BEND7: variants seen among roughly 807,000 people sequenced by gnomAD.
The protein encoded by BEND7 is BEN domain-containing protein 7.
In BEND7, 28 loss-of-function variants were observed where a neutral mutation model predicts 50.9. The ratio of observed to expected loss-of-function variants is 0.55; its 90% CI spans 0.41 to 0.75. BEND7 has a LOEUF of 0.75. BEND7 is among the 30% of genes least tolerant of loss of function. BEND7 has a pLI of 0.00. For missense variants in BEND7, 477 were observed against 491.3 expected, an observed-to-expected ratio of 0.97 and a Z score of 0.28; for synonymous variants, 170 against 183.9, an observed-to-expected ratio of 0.92 and a Z score of 0.61.
intron 2 of BEND7, chr10:13,500,903 G>T: frequency 2.2e-6 from 2 of 912,492 alleles, no homozygotes; most frequent in Non-Finnish European, 2.6e-6. Context: ...CACCTCCCCT[G>T]CAGCGTAACT....
At chr10:13,528,394 G>T in intron 1 of BEND7, 79 bp downstream of exon 1, 3 of 664,702 alleles carry the variant, frequency 4.5e-6, no homozygotes, top group Non-Finnish European at 5.6e-6. Context: ...GGGAGGGCGC[G>T]CCCCCCAGCG....
chr10:13,516,038 T>C (rs918233352), intron 2 of BEND7, among the ~76,000 whole-genome samples: 2 of 152,244 alleles, frequency 1.3e-5, no homozygotes, highest in African/African-American at 4.8e-5. Context: ...TCTGATCTAC[T>C]GATAACTGGA....
chr10:13,442,341 T>A (rs1292187243), intron 8 of BEND7: 1 of 152,316 alleles, frequency 6.6e-6, no homozygotes, highest in African/African-American at 2.4e-5. Context: ...CTCATGCCAA[T>A]TTTTGGCCTT....
chr10:13,479,698 GCA>G (rs1182203120), intron 6 of BEND7, among the ~76,000 whole-genome samples: 1 of 152,122 alleles, frequency 6.6e-6, no homozygotes, highest in African/African-American at 2.4e-5. Context: ...TTCAGAAATG[GCA>G]CAGTTTGTGA....
At chr10:13,511,007 A>T (rs144180620) in intron 2 of BEND7, among the ~76,000 whole-genome samples, 30 of 152,314 alleles carry the variant, frequency 2.0e-4, no homozygotes, top group African/African-American at 7.0e-4. Context: ...GTGAAACCCC[A>T]TCCCTACTTA....
chr10:13,496,836 G>A lies in BEND7; in HGVS notation c.501C>T (p.Asn167=). ...SSAGSNCCTC[N]CQSTLQAILQ... Reference sequence around the variant, plus strand: ...GAATGGCCTGCAACGTTGACTGGCAGTTACAAGTACAGCAGTTTGATCCAG... The same window carrying A: ...GAATGGCCTGCAACGTTGACTGGCAATTACAAGTACAGCAGTTTGATCCAG... The change falls in exon 4 of 9, where the codon AAC becomes AAT. Residue 167 remains asparagine (N), a synonymous_variant. Coordinates refer to ENST00000466271, the MANE Select transcript of BEND7 (RefSeq NM_001369863.1). 1 of 1,598,842 alleles carries A rather than the reference G, an allele frequency of 6.3e-7. No homozygotes were observed. Among genetic ancestry groups the A allele is most frequent in the Non-Finnish European group, 8.5e-7 (1 of 1,172,400 alleles).
intron 2 of BEND7, among the ~76,000 whole-genome samples, chr10:13,514,179 TCACAAC>T (rs1481330676): frequency 6.6e-6 from 1 of 152,162 alleles, no homozygotes; most frequent in African/African-American, 2.4e-5. Flanking sequence ...ATTTCTCTTA[TCACAAC>T]CTAGTGGGTT....
intron 2 of BEND7, among the ~76,000 whole-genome samples, chr10:13,511,024 A>G (rs1450371035): frequency 2.6e-5 from 4 of 152,204 alleles, no homozygotes; most frequent in Admixed American, 2.6e-4. Flanking sequence ...CTTAAAAAAT[A>G]CGAAAATTAG....
chr10:13,448,066 C>T (rs1211029485), intron 7 of BEND7, among the ~76,000 whole-genome samples: 3 of 152,146 alleles, frequency 2.0e-5, no homozygotes, highest in Admixed American at 1.3e-4. Flanking sequence ...CTGGCATTAA[C>T]GTGGTCATGA....
intron 7 of BEND7, 95 bp from the exon 8 acceptor site, chr10:13,447,411 T>A: frequency 8.1e-7 from 1 of 1,227,966 alleles, no homozygotes; most frequent in Non-Finnish European, 1.2e-6. Flanking sequence ...AACTCCAGTA[T>A]ACATAACTGT....
At chr10:13,477,969 G>A (rs1292824453) in intron 6 of BEND7, among the ~76,000 whole-genome samples, 1 of 152,202 alleles carries the variant, frequency 6.6e-6, no homozygotes, top group Non-Finnish European at 1.5e-5. Context: ...TAAACTGACG[G>A]CAGATAAGTT....
intron 6 of BEND7, among the ~76,000 whole-genome samples, chr10:13,470,820 C>G (rs1034189802): frequency 3.9e-5 from 6 of 152,162 alleles, no homozygotes; most frequent in South Asian, 2.1e-4. Flanking sequence ...TAAACTATAT[C>G]TGAGTCCATT....
At chr10:13,459,097 C>T (rs140628067) in intron 6 of BEND7, among the ~76,000 whole-genome samples, 7 of 152,242 alleles carry the variant, frequency 4.6e-5, no homozygotes, top group Non-Finnish European at 1.0e-4. Context: ...CACGCAGTGA[C>T]GGTACAAGAA....
rs115802271 is a variant in BEND7, at chr10:13,510,552, C to T, written c.146-10472G>A. Among the ~76,000 whole-genome samples, 878 of 152,120 alleles carry T rather than the reference C, an allele frequency of 5.8e-3. 6 individuals are homozygous for T. Among genetic ancestry groups the T allele is most frequent in the African/African-American group, 0.015 (633 of 41,484 alleles). ...AATGAATTATGGTACAGCAGTACAA[C>T]GAAATTATATCATTTCATATCTATA... is the stretch of plus-strand genomic sequence containing the variant. On this transcript the variant is annotated intron_variant, in intron 2 of 8. Coordinates refer to ENST00000466271, the MANE Select transcript of BEND7 (RefSeq NM_001369863.1).
At chr10:13,500,221 G>A (rs1236856424) in intron 2 of BEND7, 141 bp from the exon 3 acceptor site, 4 of 773,180 alleles carry the variant, frequency 5.2e-6, no homozygotes, top group South Asian at 2.4e-5. Flanking sequence ...TCTGTAAAAC[G>A]CAAAGGCAGG....
chr10:13,527,869 G>A (rs995353712), intron 1 of BEND7: 1 of 982,368 alleles, frequency 1.0e-6, no homozygotes, highest in East Asian at 1.1e-4. Context: ...AAACTAGATG[G>A]ATTTCTTTTC....
At chr10:13,493,953 T>C (rs796780440) in intron 4 of BEND7, among the ~76,000 whole-genome samples, 61 of 152,330 alleles carry the variant, frequency 4.0e-4, no homozygotes, top group African/African-American at 1.4e-3. Context: ...AAATAAAGAA[T>C]ATTTACACTT....
Position 13,505,505 on chromosome 10 carries a change from G to T in BEND7, c.146-5425C>A, listed in dbSNP as rs1392248465. ...CCACATGGGGCAGACACCCGCTCTG[G>T]CCTGCGTGTGTGTGGCCTCCAGGGG... On this transcript the variant is annotated intron_variant, in intron 2 of 8. Transcript: ENST00000466271. Among the ~76,000 whole-genome samples the T allele has an allele frequency of 4.9e-4, 75 of 152,210 alleles. 1 individual carries two copies. The highest frequency in any genetic ancestry group is 4.9e-3 in the Admixed American group (75 of 15,288).
At chr10:13,464,917 G>A (rs373924444) in intron 6 of BEND7, among the ~76,000 whole-genome samples, 14 of 152,242 alleles carry the variant, frequency 9.2e-5, no homozygotes, top group African/African-American at 3.1e-4. Flanking sequence ...ATTTGCCTTC[G>A]GGGAATAACA....
Sources: allele counts gnomAD v4.1 joint callset (sites outside exome capture counted in the v4.1 genomes callset), GRCh38; gene constraint gnomAD v4.1.1; transcripts MANE v1.5; gene names NCBI Gene and HGNC (gene_info 2026-07-23, HGNC 2026-07-21).